Variants in RELN observed in about 807,000 individuals in gnomAD.
RELN encodes the protein reelin.
In RELN, 108 loss-of-function variants were observed where a neutral mutation model predicts 427.6. The observed-to-expected ratio is 0.25, with a 90% CI of 0.22 to 0.30. The LOEUF is 0.30. Ranked by LOEUF, RELN falls within the 10% of genes least tolerant of loss-of-function variation. The pLI, the probability that RELN is intolerant of heterozygous loss-of-function variation, is 1.00. For synonymous variants in RELN, 1,524 were observed against 1,513.4 expected (o/e 1.01, Z -0.16); for missense variants, 3,715 against 4,302.8 (o/e 0.86, Z 3.82).
chr7:103,750,128 T>C (rs1223988538), intron 5 of RELN, among the ~76,000 whole-genome samples: 1 of 152,158 alleles, frequency 6.6e-6, no homozygotes, highest in Non-Finnish European at 1.5e-5. Flanking sequence ...TACAGGTGCC[T>C]ACTACCATGA....
chr7:103,586,435 G>A (rs1831273124), intron 28 of RELN, among the ~76,000 whole-genome samples: 1 of 152,054 alleles, frequency 6.6e-6, no homozygotes, highest in Non-Finnish European at 1.5e-5. Context: ...TACTGAATGA[G>A]TGGGGAAAAG....
At chr7:103,634,482 T>C (rs1832535432) in intron 19 of RELN, among the ~76,000 whole-genome samples, 1 of 152,170 alleles carries the variant, frequency 6.6e-6, no homozygotes, top group South Asian at 2.1e-4. Flanking sequence ...CCACTAATGG[T>C]GTTACTATTC....
intron 24 of RELN, among the ~76,000 whole-genome samples, chr7:103,602,870 A>G (rs922774525): frequency 1.3e-5 from 2 of 152,152 alleles, no homozygotes; most frequent in African/African-American, 4.8e-5. Context: ...AATTGGATGG[A>G]AACAGGCAAT....
chr7:103,976,233 A>C (rs904175846), intron 1 of RELN, among the ~76,000 whole-genome samples: 7 of 152,184 alleles, frequency 4.6e-5, no homozygotes, highest in Admixed American at 4.6e-4. Context: ...TTGTTGGTAA[A>C]ATGCTAAACT....
intron 3 of RELN, among the ~76,000 whole-genome samples, chr7:103,801,415 T>C (rs1792462411): frequency 6.6e-6 from 1 of 151,588 alleles, no homozygotes; most frequent in Admixed American, 6.6e-5. Context: ...AAAGGATGAG[T>C]TCATGTCGTT....
intron 4 of RELN, among the ~76,000 whole-genome samples, chr7:103,768,596 T>C (rs984489585): frequency 9.9e-5 from 15 of 152,212 alleles, no homozygotes; most frequent in East Asian, 3.8e-4. Context: ...GATTTTTCAA[T>C]TGTAAAATGT....
chr7:103,492,990 C>T (rs1017442484), intron 57 of RELN, among the ~76,000 whole-genome samples: 1 of 152,104 alleles, frequency 6.6e-6, no homozygotes, highest in African/African-American at 2.4e-5. Context: ...TTAGAATGAT[C>T]GGTTGAATTT....
chr7:103,606,078 G>T (rs907562015), intron 22 of RELN, among the ~76,000 whole-genome samples: 2 of 152,188 alleles, frequency 1.3e-5, no homozygotes, highest in Admixed American at 1.3e-4. Context: ...CATTATCTTA[G>T]AGCAGAGAGC....
intron 16 of RELN, among the ~76,000 whole-genome samples, chr7:103,646,876 T>C (rs1174891372): frequency 2.6e-5 from 4 of 151,984 alleles, no homozygotes; most frequent in Non-Finnish European, 1.5e-5. Flanking sequence ...CTTAACAAAA[T>C]ATTAGCAAAC....
At position 103,592,760 on chromosome 7, in the gene RELN, G is replaced by A. The variant is rs573396900; in HGVS notation, c.3912+922C>T. ...AAGGTGTCAGATGAGAAACAGCATA[G>A]TGTTCTGCAAATATATTTGCTATTA... On this transcript the variant is annotated intron_variant, in intron 27 of 64. Coordinates refer to ENST00000428762, the MANE Select transcript of RELN (RefSeq NM_005045.4). 2.6e-5 allele frequency among the ~76,000 whole-genome samples: 4 copies of A among 152,262 alleles called. No individual in the cohort carries two copies. The South Asian group carries it at 8.3e-4, about 32-fold the overall frequency.
intron 41 of RELN, 142 bp downstream of exon 41, chr7:103,550,925 T>C (rs1007231283): frequency 1.3e-6 from 1 of 750,256 alleles, no homozygotes; most frequent in Non-Finnish European, 2.3e-6. Flanking sequence ...TCCTACATTT[T>C]AAATATCCAC....
intron 4 of RELN, among the ~76,000 whole-genome samples, chr7:103,760,383 T>C (rs964290074): frequency 6.6e-6 from 1 of 152,128 alleles, no homozygotes; most frequent in Non-Finnish European, 1.5e-5. Flanking sequence ...TCGTGTTTAA[T>C]TCCCCCAAAG....
At chr7:103,590,872 C>T (rs1029594389) in intron 27 of RELN, among the ~76,000 whole-genome samples, 1 of 152,222 alleles carries the variant, frequency 6.6e-6, no homozygotes, top group Non-Finnish European at 1.5e-5. Flanking sequence ...ACATCTAGAG[C>T]TTTCCTCCAC....
At chr7:103,760,307 A>T (rs1459349386) in intron 4 of RELN, among the ~76,000 whole-genome samples, 1 of 151,994 alleles carries the variant, frequency 6.6e-6, no homozygotes, top group Non-Finnish European at 1.5e-5. Flanking sequence ...GCTCTTTCAA[A>T]AGTTGAGCCT....
intron 1 of RELN, among the ~76,000 whole-genome samples, chr7:103,940,094 C>CA (rs985757117): frequency 1.3e-5 from 2 of 151,934 alleles, no homozygotes; most frequent in Non-Finnish European, 1.5e-5. Context: ...ATACCCAGTC[C>CA]AAAAAAATGG....
chr7:103,616,150 C>A (rs928975810), intron 20 of RELN, among the ~76,000 whole-genome samples: 2 of 152,092 alleles, frequency 1.3e-5, no homozygotes, highest in African/African-American at 2.4e-5. Context: ...GCTAATGCAT[C>A]CATATTTGCA....
intron 1 of RELN, among the ~76,000 whole-genome samples, chr7:103,956,509 C>A (rs10235665): frequency 0.14 from 20,838 of 151,956 alleles, 2,531 homozygotes; most frequent in African/African-American, 0.32. Flanking sequence ...GGATATAATA[C>A]AAAAAAATCT....
intron 4 of RELN, among the ~76,000 whole-genome samples, chr7:103,759,990 C>A (rs1203862259): frequency 3.1e-5 from 2 of 64,928 alleles, no homozygotes; most frequent in Non-Finnish European, 5.7e-5. Flanking sequence ...CACAGTCATA[C>A]TTTTTTTTTT....
At position 103,551,208 on chromosome 7, in the gene RELN, A is replaced by T; in HGVS notation, c.6161T>A (p.Leu2054Gln). The part of the protein sequence containing the change: ...SRDFGATWHL[L>Q]LPLCYHSSSH... ...GCTGCTGTGGTAGCAGAGGGGCAGC[A>T]GAAGGTGCCAGGTCGCCCCGAAGTC... The change falls in exon 41 of 65, where the codon CTG becomes CAG. Residue 2054 changes from leucine to glutamine, a missense_variant. This residue lies in a region of RELN where 1,310 missense variants were observed against 1,643.0 expected (regional missense o/e 0.80). Transcript: ENST00000428762. 6.2e-7 allele frequency: 1 copy of T among 1,614,164 alleles called. No individual in the cohort carries two copies. Among genetic ancestry groups the T allele is most frequent in the Non-Finnish European group, 8.5e-7 (1 of 1,180,042 alleles).
Sources: gnomAD v4.1 joint callset for allele counts (sites outside exome capture counted in the v4.1 genomes callset) on GRCh38, gnomAD v4.1.1 for gene constraint, gnomAD v4.1.1 regional missense constraint, MANE v1.5 for transcripts, NCBI Gene and HGNC (gene_info 2026-07-23, HGNC 2026-07-21) for gene names.